Variants in RABGAP1L observed in about 807,000 individuals in gnomAD.
RABGAP1L encodes the protein rab GTPase-activating protein 1-like.
Under a neutral mutation model 137.7 loss-of-function variants are expected in RABGAP1L, and 63 were observed. The ratio of observed to expected loss-of-function variants is 0.46; its 90% CI spans 0.37 to 0.56. The LOEUF is 0.56. Ranked by LOEUF, RABGAP1L falls within the 20% of genes least tolerant of loss-of-function variation. The pLI, the probability that RABGAP1L is intolerant of heterozygous loss-of-function variation, is 0.00. For missense variants in RABGAP1L, 1,095 were observed against 1,244.0 expected (o/e 0.88, Z 1.80); for synonymous variants, 431 against 433.7 (o/e 0.99, Z 0.08).
At chr1:174,985,231 A>G (rs1476963781) in intron 24 of RABGAP1L, among the ~76,000 whole-genome samples, 1 of 152,180 alleles carries the variant, frequency 6.6e-6, no homozygotes, top group East Asian at 1.9e-4. Flanking sequence ...TGTCTCTACA[A>G]AAAATACAAA....
rs907717290 is a variant in RABGAP1L, at chr1:174,992,535, A to G, written c.*2534A>G. The G allele has an allele frequency of 2.6e-5, 4 of 151,490 alleles. No individual in the cohort carries two copies. Among genetic ancestry groups the G allele is most frequent in the Non-Finnish European group, 5.9e-5 (4 of 67,918 alleles). 9.4% of individuals were successfully genotyped at this position (151,490 alleles called of 1,614,324 possible). On this transcript the variant is annotated 3_prime_UTR_variant, in exon 26 of 26. Transcript: ENST00000681986. ...TTTCAAAAGATTACGAGGGCAATAC[A>G]TATTTTTTTTTTTTTTATTCTCCAG...
intron 20 of RABGAP1L, among the ~76,000 whole-genome samples, chr1:174,966,842 A>G (rs974122771): frequency 1.3e-5 from 2 of 152,030 alleles, no homozygotes; most frequent in Non-Finnish European, 2.9e-5. Context: ...GGTTTTGTGT[A>G]GAATATGACC....
intron 1 of RABGAP1L, among the ~76,000 whole-genome samples, chr1:174,163,963 A>G (rs191331568): frequency 1.3e-5 from 2 of 152,284 alleles, no homozygotes; most frequent in East Asian, 3.9e-4. Flanking sequence ...TTGATTGGGA[A>G]ACATCAGGCA....
chr1:174,555,934 TG>T (rs554474122), intron 13 of RABGAP1L, among the ~76,000 whole-genome samples: 4 of 151,910 alleles, frequency 2.6e-5, no homozygotes, highest in Admixed American at 6.6e-5. Context: ...GACTGGATAT[TG>T]TAGGACTATG....
intron 11 of RABGAP1L, among the ~76,000 whole-genome samples, chr1:174,343,286 C>T (rs1455523494): frequency 6.6e-6 from 1 of 152,028 alleles, no homozygotes; most frequent in African/African-American, 2.4e-5. Flanking sequence ...ATAGTATGTA[C>T]TCTGAAACAC....
chr1:174,393,869 C>A, intron 12 of RABGAP1L, 126 bp from the exon 13 acceptor site: 3 of 970,036 alleles, frequency 3.1e-6, no homozygotes, highest in Non-Finnish European at 3.0e-6. Flanking sequence ...TGTTTAATGC[C>A]CCCCCACAAA....
intron 4 of RABGAP1L, among the ~76,000 whole-genome samples, chr1:174,233,007 G>T (rs920575662): frequency 1.3e-5 from 2 of 152,056 alleles, no homozygotes; most frequent in Admixed American, 1.3e-4. Flanking sequence ...CTCGTGGTTG[G>T]GAGTTCCTAG....
At chr1:174,601,287 C>G (rs1670393559) in intron 13 of RABGAP1L, among the ~76,000 whole-genome samples, 1 of 152,238 alleles carries the variant, frequency 6.6e-6, no homozygotes, top group Non-Finnish European at 1.5e-5. Flanking sequence ...CTGCGAAGGT[C>G]TCTGACATGG....
chr1:174,261,448 A>G (rs996822714), intron 7 of RABGAP1L, among the ~76,000 whole-genome samples: 1 of 152,178 alleles, frequency 6.6e-6, no homozygotes, highest in Non-Finnish European at 1.5e-5. Context: ...AGCACAAACT[A>G]TATAATGAGA....
intron 17 of RABGAP1L, among the ~76,000 whole-genome samples, chr1:174,724,432 T>C (rs911488586): frequency 6.6e-6 from 1 of 152,206 alleles, no homozygotes; most frequent in African/African-American, 2.4e-5. Context: ...CTAGTACTTA[T>C]AGCAGTTTGG....
intron 13 of RABGAP1L, among the ~76,000 whole-genome samples, chr1:174,558,019 C>T (rs559722907): frequency 2.8e-4 from 42 of 152,342 alleles, no homozygotes; most frequent in Non-Finnish European, 5.4e-4. Flanking sequence ...AGTTACACTG[C>T]AGCCTTTTGC....
At chr1:174,959,241 G>A (rs1433257587) in intron 20 of RABGAP1L, among the ~76,000 whole-genome samples, 1 of 152,200 alleles carries the variant, frequency 6.6e-6, no homozygotes, top group African/African-American at 2.4e-5. Context: ...ATAGCATGCT[G>A]CTTTAGAAAG....
chr1:174,302,156 T>C (rs1307870809), intron 10 of RABGAP1L, among the ~76,000 whole-genome samples: 1 of 152,228 alleles, frequency 6.6e-6, no homozygotes, highest in East Asian at 1.9e-4. Flanking sequence ...ATTACCATAG[T>C]AATTATTTTT....
intron 13 of RABGAP1L, among the ~76,000 whole-genome samples, chr1:174,403,771 C>T (rs1338925130): frequency 2.7e-5 from 4 of 149,468 alleles, no homozygotes; most frequent in East Asian, 3.9e-4. Context: ...TACTGAAATA[C>T]GAAGTGTCAG....
At chr1:174,266,407 C>T (rs1194037898) in intron 7 of RABGAP1L, among the ~76,000 whole-genome samples, 1 of 152,154 alleles carries the variant, frequency 6.6e-6, no homozygotes, top group Non-Finnish European at 1.5e-5. Context: ...ACTGCTACCA[C>T]TGGAAGGCAA....
intron 14 of RABGAP1L, among the ~76,000 whole-genome samples, chr1:174,651,640 A>G (rs1254202846): frequency 6.6e-6 from 1 of 152,064 alleles, no homozygotes; most frequent in African/African-American, 2.4e-5. Flanking sequence ...CTGTTTTATC[A>G]GAGACTAGGA....
rs139131612 is a variant in RABGAP1L at position 174,891,980 on chromosome 1, T to C, written c.2341-65477T>C. ...CCCTATCCAAATAATTCCTGTTGTC[T>C]ATAAAACAATAAAAGAAAATCAATA... On this transcript the variant is annotated intron_variant, in intron 19 of 25. Coordinates refer to ENST00000681986, the MANE Select transcript of RABGAP1L (RefSeq NM_001366446.1). Among the ~76,000 whole-genome samples the C allele has an allele frequency of 7.2e-5, 11 of 152,364 alleles. No homozygotes were observed. In the East Asian group the frequency reaches 1.9e-3, roughly 27 times the overall value.
intron 11 of RABGAP1L, among the ~76,000 whole-genome samples, chr1:174,344,063 A>G (rs183438505): frequency 6.6e-5 from 10 of 152,324 alleles, no homozygotes; most frequent in Non-Finnish European, 1.3e-4. Flanking sequence ...ATGTAGTGCC[A>G]TTAGAGTAAG....
At chr1:174,435,968 C>A (rs1359158281) in intron 13 of RABGAP1L, among the ~76,000 whole-genome samples, 4 of 152,066 alleles carry the variant, frequency 2.6e-5, no homozygotes, top group Non-Finnish European at 5.9e-5. Flanking sequence ...ATCCGTGTCC[C>A]TACAAAGGAC....
Sources: gnomAD v4.1 joint callset for allele counts (sites outside exome capture counted in the v4.1 genomes callset) on GRCh38, gnomAD v4.1.1 for gene constraint, MANE v1.5 for transcripts, NCBI Gene and HGNC (gene_info 2026-07-23, HGNC 2026-07-21) for gene names.